SDK2: variants seen among roughly 807,000 people sequenced by gnomAD.
SDK2 encodes the protein sidekick cell adhesion molecule 2, also known as protein sidekick-2.
SDK2 carries 105 observed loss-of-function variants against 253.9 expected under a neutral mutation model. The observed-to-expected ratio is 0.41, with a 90% CI of 0.35 to 0.49. The LOEUF (loss-of-function observed/expected upper bound fraction) is 0.49, where lower values mean the gene tolerates loss of function less well. Among genes scored for constraint, SDK2 ranks in the 20% least tolerant of loss-of-function variants. The pLI is 0.06. For missense variants in SDK2, 2,608 were observed against 3,003.0 expected, an observed-to-expected ratio of 0.87 and a Z score of 3.07; for synonymous variants, 1,249 against 1,234.9, an observed-to-expected ratio of 1.01 and a Z score of -0.24.
intron 1 of SDK2, among the ~76,000 whole-genome samples, chr17:73,621,905 A>C (rs2046137803): frequency 6.6e-6 from 1 of 152,224 alleles, no homozygotes; most frequent in African/African-American, 2.4e-5. Flanking sequence ...TTGGTGAAAG[A>C]CATGTATTTA....
In SDK2 at chr17:73,611,482, C is replaced by T. The variant is rs147630903; in HGVS notation, c.64+32543G>A. ...GCCCCTCCTTGCTGGACGCCCAAGTCCCCCTGGGAGAGGTGCCCTGGGGGG... is the reference window on the plus strand; with the variant it reads ...GCCCCTCCTTGCTGGACGCCCAAGTTCCCCTGGGAGAGGTGCCCTGGGGGG... On this transcript the variant is annotated intron_variant, in intron 1 of 44. Transcript: ENST00000392650. 3.7e-4 allele frequency among the ~76,000 whole-genome samples: 56 copies of T among 151,890 alleles called. 1 individual carries two copies. In the East Asian group the frequency reaches 7.2e-3, roughly 19 times the overall value.
At chr17:73,596,399 T>G (rs1377420846) in intron 1 of SDK2, among the ~76,000 whole-genome samples, 1 of 152,150 alleles carries the variant, frequency 6.6e-6, no homozygotes, top group African/African-American at 2.4e-5. Flanking sequence ...TGGCCGGAGC[T>G]CCAGTCAACC....
intron 36 of SDK2, among the ~76,000 whole-genome samples, chr17:73,369,380 C>G (rs915281627): frequency 2.0e-5 from 3 of 152,230 alleles, no homozygotes; most frequent in African/African-American, 7.2e-5. Context: ...TTAACAGGAA[C>G]AAGGCCCGCT....
chr17:73,370,896 T>C (rs2062729630), intron 36 of SDK2, among the ~76,000 whole-genome samples: 1 of 151,750 alleles, frequency 6.6e-6, no homozygotes, highest in East Asian at 2.0e-4. Flanking sequence ...GACCCCTGTC[T>C]CTACTAAAAA....
chr17:73,419,519 T>G (rs2063210714), intron 15 of SDK2, among the ~76,000 whole-genome samples: 1 of 152,096 alleles, frequency 6.6e-6, no homozygotes, highest in Admixed American at 6.6e-5. Flanking sequence ...TAGTTGAGGC[T>G]CAAATGATAC....
chr17:73,374,147 C>T lies in SDK2; in HGVS notation c.4980+5030G>A, dbSNP rs2062758210. ...CATCACTCAGTTTTTGGTTTCAGGGCTCAATTTGTAGACTTCTTTTGTTCT... is the reference window on the plus strand; with the variant it reads ...CATCACTCAGTTTTTGGTTTCAGGGTTCAATTTGTAGACTTCTTTTGTTCT... On this transcript the variant is annotated intron_variant, in intron 36 of 44. Coordinates refer to ENST00000392650, the MANE Select transcript of SDK2 (RefSeq NM_001144952.2). Among the ~76,000 whole-genome samples, 2 of 145,058 alleles carry T rather than the reference C, an allele frequency of 1.4e-5. 1 individual carries two copies. Among genetic ancestry groups the T allele is most frequent in the African/African-American group, 5.5e-5 (2 of 36,554 alleles).
chr17:73,547,433 GC>G (rs2044982929), intron 1 of SDK2, among the ~76,000 whole-genome samples: 1 of 152,250 alleles, frequency 6.6e-6, no homozygotes, highest in African/African-American at 2.4e-5. Context: ...CAACCACTGT[GC>G]CCAGGGACAG....
chr17:73,497,240 G>A (rs2063849043), intron 2 of SDK2, among the ~76,000 whole-genome samples: 1 of 152,104 alleles, frequency 6.6e-6, no homozygotes, highest in Admixed American at 6.5e-5. Flanking sequence ...GACACAGTTG[G>A]TCCTTCCTAA....
At chr17:73,478,154 G>A (rs1310079734) in intron 2 of SDK2, among the ~76,000 whole-genome samples, 1 of 152,150 alleles carries the variant, frequency 6.6e-6, no homozygotes, top group Non-Finnish European at 1.5e-5. Context: ...ACTTCTTTAT[G>A]CAAATGCAAG....
At chr17:73,430,290 T>C (rs1189003687) in intron 12 of SDK2, among the ~76,000 whole-genome samples, 1 of 152,174 alleles carries the variant, frequency 6.6e-6, no homozygotes, top group East Asian at 1.9e-4. Flanking sequence ...TCCTCCCACC[T>C]TGGAAACTGG....
At chr17:73,486,784 A>G (rs979758216) in intron 2 of SDK2, among the ~76,000 whole-genome samples, 3 of 152,076 alleles carry the variant, frequency 2.0e-5, no homozygotes, top group African/African-American at 7.2e-5. Flanking sequence ...GGAGAAATCA[A>G]TTCCTTACAA....
chr17:73,361,493 C>T lies in SDK2; in HGVS notation c.5467+191G>A, dbSNP rs2062639581. On this transcript the variant is annotated intron_variant, in intron 39 of 44. Transcript: ENST00000392650. This position sits in a 1 kb window ranked among gnomAD's most constrained non-coding sequence, Gnocchi z 4.1. Reference sequence around the variant, plus strand: ...GTTTGTGGCTTGAGGAACCTGAGGACACATTAATCAAAGCGTGGAGCCCGG... The same window carrying T: ...GTTTGTGGCTTGAGGAACCTGAGGATACATTAATCAAAGCGTGGAGCCCGG... Among the ~76,000 whole-genome samples, 1 of 151,976 alleles carries T rather than the reference C, an allele frequency of 6.6e-6. No individual in the cohort carries two copies. Among genetic ancestry groups the T allele is most frequent in the Admixed American group, 6.5e-5 (1 of 15,274 alleles).
intron 39 of SDK2, among the ~76,000 whole-genome samples, chr17:73,358,475 G>A (rs973530628): frequency 2.6e-5 from 4 of 152,200 alleles, no homozygotes; most frequent in African/African-American, 9.7e-5. Context: ...CTGGAGTAGA[G>A]CCAGGAGACC....
Position 73,490,370 on chromosome 17 carries a change from G to C in SDK2, c.224+17068C>G, listed in dbSNP as rs115604860. ...CTCTGCCCAGGTAGCTCTGCTCTAA[G>C]GGATGGTAGACACAGGTGGAGAAGG... On this transcript the variant is annotated intron_variant, in intron 2 of 44. Coordinates refer to ENST00000392650, the MANE Select transcript of SDK2 (RefSeq NM_001144952.2). Among the ~76,000 whole-genome samples the C allele has an allele frequency of 4.8e-3, 728 of 152,260 alleles. 5 individuals carry two copies. The highest frequency in any genetic ancestry group is 0.017 in the African/African-American group (701 of 41,550).
chr17:73,519,763 G>T (rs1361220646), intron 1 of SDK2: 1 of 152,128 alleles, frequency 6.6e-6, no homozygotes. Context: ...TGCGTTTGGA[G>T]CCCAGGAACA....
chr17:73,549,173 G>A (rs2045015897), intron 1 of SDK2, among the ~76,000 whole-genome samples: 1 of 152,238 alleles, frequency 6.6e-6, no homozygotes. Context: ...TCATGAGAAA[G>A]CTCTTAGGCA....
chr17:73,350,915 G>A lies in SDK2; in HGVS notation c.5759-125C>T, dbSNP rs2062532257. 7.2e-6 allele frequency: 7 copies of A among 976,280 alleles called. No individual in the cohort carries two copies. In the South Asian group the frequency reaches 1.0e-4, roughly 14 times the overall value. The allele number at this position is 976,280 out of a possible 1,614,324, so 60.5% of individuals were successfully genotyped here. On this transcript the variant is annotated intron_variant, in intron 41 of 44. Coordinates refer to ENST00000392650, the MANE Select transcript of SDK2 (RefSeq NM_001144952.2). ...AAGGCAGGGTCTGTACCCTCCGAAT[G>A]AGGCAGAACCTCTGTAAGGACAGTT...
intron 1 of SDK2, chr17:73,519,038 CAA>C (rs1208592713): frequency 6.6e-6 from 1 of 152,256 alleles, no homozygotes; most frequent in Non-Finnish European, 1.5e-5. Flanking sequence ...ACTCTGGTGA[CAA>C]AGAGACACTG....
chr17:73,387,375 T>C (rs2062881184), intron 30 of SDK2, among the ~76,000 whole-genome samples: 1 of 149,974 alleles, frequency 6.7e-6, no homozygotes, highest in South Asian at 2.2e-4. Context: ...TTTAGATTTA[T>C]GGGGGGTGGG....
Sources: allele counts gnomAD v4.1 joint callset (sites outside exome capture counted in the v4.1 genomes callset), GRCh38; gene constraint gnomAD v4.1.1; non-coding constraint Gnocchi (gnomAD v3.1); transcripts MANE v1.5; gene names NCBI Gene and HGNC (gene_info 2026-07-23, HGNC 2026-07-21).